Variants in SUSD1 observed in about 807,000 individuals in gnomAD.
SUSD1 encodes sushi domain containing 1.
In SUSD1, 65 loss-of-function variants were observed where a neutral mutation model predicts 86.9. The ratio of observed to expected loss-of-function variants is 0.75; its 90% CI spans 0.61 to 0.92. The LOEUF (loss-of-function observed/expected upper bound fraction) is 0.92. SUSD1 is among the 40% of genes least tolerant of loss of function. The pLI, the probability that SUSD1 is intolerant of heterozygous loss-of-function variation, is 0.00. For synonymous variants in SUSD1, 346 were observed against 350.0 expected (o/e 0.99, Z 0.13); for missense variants, 850 against 929.7 (o/e 0.91, Z 1.11).
At chr9:112,068,105 C>CTG (rs1829071698) in intron 12 of SUSD1, among the ~76,000 whole-genome samples, 11 of 152,252 alleles carry the variant, frequency 7.2e-5, no homozygotes, top group Admixed American at 6.5e-5. Context: ...TTTCTGCTTT[C>CTG]TGGGAGCTTG....
chr9:112,079,439 T>C (rs1236511515), intron 11 of SUSD1, among the ~76,000 whole-genome samples: 1 of 152,152 alleles, frequency 6.6e-6, no homozygotes, highest in Non-Finnish European at 1.5e-5. Context: ...TGAATTAGAA[T>C]ACTCGTAGCT....
rs777263042 is a variant in SUSD1 at position 112,142,489 on chromosome 9, A to C, written c.537T>G (p.Cys179Trp). 2 of 1,606,524 alleles carry C rather than the reference A, an allele frequency of 1.2e-6. No individual in the cohort carries two copies. The highest frequency in any genetic ancestry group is 8.5e-7 in the Non-Finnish European group (1 of 1,178,452). ...TDATSCTEID[C>W]GTPPEVPDGY... ...CATCTGGAACCTCAGGAGGGGTACC[A>C]CAGTCTATTTCTGAAAATAAATTAA... Residue 179 changes from cysteine to tryptophan, a missense_variant, in exon 5 of 17, where the codon TGT becomes TGG. Physicochemically the swap from Cys to Trp is radical, Grantham distance 215. Coordinates refer to ENST00000374270, the MANE Select transcript of SUSD1 (RefSeq NM_022486.5).
intron 13 of SUSD1, among the ~76,000 whole-genome samples, chr9:112,061,028 C>G (rs542533485): frequency 6.6e-6 from 1 of 152,178 alleles, no homozygotes; most frequent in Non-Finnish European, 1.5e-5. Flanking sequence ...CGACCTCATA[C>G]CGACCTACTG....
intron 1 of SUSD1, among the ~76,000 whole-genome samples, chr9:112,165,942 G>GAAAGAAAGAGAAAGA (rs11377595): frequency 1.4e-5 from 1 of 71,912 alleles, no homozygotes; most frequent in South Asian, 5.4e-4. Flanking sequence ...AAGAAAGAAA[G>GAAAGAAAGAGAAAGA]AAGAAAGAAA....
intron 2 of SUSD1, among the ~76,000 whole-genome samples, chr9:112,153,913 C>T (rs1833179094): frequency 6.6e-6 from 1 of 152,042 alleles, no homozygotes; most frequent in Non-Finnish European, 1.5e-5. Context: ...CATGCCTGGC[C>T]TATGTACTAT....
chr9:112,066,707 C>T (rs555081590), intron 12 of SUSD1, among the ~76,000 whole-genome samples: 1 of 152,282 alleles, frequency 6.6e-6, no homozygotes, highest in East Asian at 1.9e-4. Flanking sequence ...ATCCCTTTTT[C>T]TGTGGAGAGC....
chr9:112,120,636 A>G (rs778117690), intron 6 of SUSD1, among the ~76,000 whole-genome samples: 4 of 152,236 alleles, frequency 2.6e-5, no homozygotes, highest in Admixed American at 2.0e-4. Context: ...CAAAGCTTGC[A>G]TAAACCCATG....
chr9:112,149,126 C>T, intron 3 of SUSD1, 118 bp downstream of exon 3: 1 of 1,382,482 alleles, frequency 7.2e-7, no homozygotes, highest in Non-Finnish European at 1.0e-6. Context: ...CTATATACCA[C>T]AATACCATTA....
chr9:112,159,933 C>T (rs1303902513), intron 1 of SUSD1, among the ~76,000 whole-genome samples: 3 of 150,834 alleles, frequency 2.0e-5, no homozygotes, highest in Admixed American at 2.0e-4. Flanking sequence ...TAAAAAAGAA[C>T]ACACAAAACA....
At chr9:112,102,491 C>CT (rs1200532684) in intron 8 of SUSD1, among the ~76,000 whole-genome samples, 1 of 152,188 alleles carries the variant, frequency 6.6e-6, no homozygotes, top group African/African-American at 2.4e-5. Context: ...GTCACTGAAC[C>CT]TCAGTCTCCT....
chr9:112,099,160 A>G (rs1009247003), intron 9 of SUSD1, among the ~76,000 whole-genome samples: 9 of 152,000 alleles, frequency 5.9e-5, no homozygotes, highest in African/African-American at 2.2e-4. Context: ...AGTGATCCTC[A>G]GCCTCCCGAG....
intron 15 of SUSD1, chr9:112,052,159 T>C: frequency 6.9e-7 from 1 of 1,451,042 alleles, no homozygotes; most frequent in South Asian, 1.4e-5. Context: ...ACTCACGGTG[T>C]TGAGTCCCCA....
chr9:112,139,000 A>G (rs982351849), intron 5 of SUSD1, among the ~76,000 whole-genome samples: 1 of 152,212 alleles, frequency 6.6e-6, no homozygotes, highest in African/African-American at 2.4e-5. Flanking sequence ...AGAAATACAT[A>G]ATTTACCAAA....
intron 12 of SUSD1, among the ~76,000 whole-genome samples, chr9:112,066,892 T>C (rs1381297053): frequency 6.6e-6 from 1 of 152,182 alleles, no homozygotes; most frequent in Non-Finnish European, 1.5e-5. Flanking sequence ...ATCTGTTTTT[T>C]TGAGATGGAG....
intron 12 of SUSD1, among the ~76,000 whole-genome samples, chr9:112,073,431 C>CTT (rs1392426048): frequency 1.3e-5 from 2 of 152,132 alleles, no homozygotes; most frequent in African/African-American, 4.8e-5. Flanking sequence ...GGTTTATCTC[C>CTT]ACATTTACGT....
chr9:112,071,868 T>A (rs953021695), intron 12 of SUSD1, among the ~76,000 whole-genome samples: 3 of 152,128 alleles, frequency 2.0e-5, no homozygotes, highest in East Asian at 1.9e-4. Context: ...AGATATATCA[T>A]CCCATCCAAG....
rs1031846938 is a variant in SUSD1, at chr9:112,142,330, T to C, written c.696A>G (p.Leu232=). Residue 232 remains leucine, a synonymous_variant, in exon 5 of 17, where the codon TTA becomes TTG. Coordinates refer to ENST00000374270, the MANE Select transcript of SUSD1 (RefSeq NM_022486.5). The part of the protein sequence containing the change: ...TGLGTWESPK[L]HCQEINCGNP... ...TTTTTGAAAACTCACCTTGGCAATG[T>C]AATTTTGGGGACTCCCATGTGCCCA... The C allele has an allele frequency of 7.6e-6, 12 of 1,573,850 alleles. No homozygotes were observed. The highest frequency in any genetic ancestry group is 1.0e-5 in the Non-Finnish European group (12 of 1,161,442).
At chr9:112,146,515 G>T (rs867785421) in intron 3 of SUSD1, among the ~76,000 whole-genome samples, 1 of 151,956 alleles carries the variant, frequency 6.6e-6, no homozygotes, top group African/African-American at 2.4e-5. Flanking sequence ...GGTCTAGTTC[G>T]GCTGACACCT....
intron 1 of SUSD1, among the ~76,000 whole-genome samples, chr9:112,159,049 T>C (rs534963613): frequency 6.6e-6 from 1 of 152,122 alleles, no homozygotes; most frequent in East Asian, 1.9e-4. Context: ...GACAGTGATA[T>C]AACAGCCAAG....
Sources: gnomAD v4.1 joint callset for allele counts (sites outside exome capture counted in the v4.1 genomes callset) on GRCh38, gnomAD v4.1.1 for gene constraint, MANE v1.5 for transcripts, NCBI Gene and HGNC (gene_info 2026-07-23, HGNC 2026-07-21) for gene names.